Variants in ZNF831 observed in about 807,000 individuals in gnomAD.
The protein encoded by ZNF831 is chromosome 20 open reading frame 174.
A neutral mutation model predicts 95.8 loss-of-function variants in ZNF831; 59 were observed. The observed-to-expected ratio is 0.62, with a 90% CI of 0.50 to 0.77. The LOEUF is 0.77. ZNF831 is among the 30% of genes least tolerant of loss of function. The pLI, the probability that ZNF831 is intolerant of heterozygous loss-of-function variation, is 0.00. For missense variants in ZNF831, 2,205 were observed against 2,164.0 expected, an observed-to-expected ratio of 1.02 and a Z score of -0.38; for synonymous variants, 961 against 925.5, an observed-to-expected ratio of 1.04 and a Z score of -0.70.
intron 2 of ZNF831, among the ~76,000 whole-genome samples, chr20:59,154,863 C>G (rs1484892779): frequency 6.6e-6 from 1 of 152,230 alleles, no homozygotes; most frequent in African/African-American, 2.4e-5. Flanking sequence ...CGGCCTCCTA[C>G]CCCTCCCCTG....
Position 59,255,851 on chromosome 20 carries a change from A to T in ZNF831, c.*1108A>T, listed in dbSNP as rs937513187. On this transcript the variant is annotated 3_prime_UTR_variant, in exon 6 of 6. Transcript: ENST00000371030. ...TATTGTGCACGTCAGAACTGCACAG[A>T]GAAAATTCCCCAGTATTCCAAGCCG... 1.3e-5 allele frequency: 2 copies of T among 152,240 alleles called. No homozygotes were observed. Among genetic ancestry groups the T allele is most frequent in the Non-Finnish European group, 2.9e-5 (2 of 68,044 alleles). 9.4% of individuals were successfully genotyped at this position (152,240 alleles called of 1,614,324 possible). A position where few individuals can be genotyped will look rare whatever the true frequency, so the allele number is the denominator to read the frequency against.
At chr20:59,150,660 T>C (rs1025532032) in intron 2 of ZNF831, among the ~76,000 whole-genome samples, 28 of 152,296 alleles carry the variant, frequency 1.8e-4, no homozygotes, top group African/African-American at 6.0e-4. Context: ...CTTCTGAGAA[T>C]AACAAACAGC....
intron 1 of ZNF831, among the ~76,000 whole-genome samples, chr20:59,124,067 G>A (rs1979087077): frequency 6.6e-6 from 1 of 152,186 alleles, no homozygotes; most frequent in South Asian, 2.1e-4. Flanking sequence ...CAGGTGCGGG[G>A]ACAAGGTGGG....
intron 1 of ZNF831, among the ~76,000 whole-genome samples, chr20:59,183,551 C>A (rs1213996047): frequency 6.6e-6 from 1 of 152,150 alleles, no homozygotes; most frequent in Admixed American, 6.5e-5. Context: ...GATTCAGTAT[C>A]CCCACCGCCC....
chr20:59,239,437 G>T (rs534448081), intron 4 of ZNF831, among the ~76,000 whole-genome samples: 2 of 151,980 alleles, frequency 1.3e-5, no homozygotes, highest in Non-Finnish European at 2.9e-5. Context: ...AAGATTTCTC[G>T]AATACATTTT....
intron 1 of ZNF831, among the ~76,000 whole-genome samples, chr20:59,132,827 C>T (rs545352419): frequency 1.2e-4 from 18 of 152,256 alleles, no homozygotes; most frequent in Admixed American, 2.0e-4. Context: ...CTTGCTGGCC[C>T]GGGTGAGCTG....
intron 4 of ZNF831, among the ~76,000 whole-genome samples, chr20:59,239,786 C>G (rs938458677): frequency 6.6e-6 from 1 of 152,188 alleles, no homozygotes; most frequent in Non-Finnish European, 1.5e-5. Flanking sequence ...CTCAGGCGAT[C>G]CGCCCACCTT....
chr20:59,163,595 C>A (rs532457753), upstream of ZNF831, among the ~76,000 whole-genome samples: 1 of 152,258 alleles, frequency 6.6e-6, no homozygotes, highest in East Asian at 1.9e-4. Flanking sequence ...AACTTGCCTG[C>A]ACAGAACAAC....
chr20:59,177,528 T>C lies in ZNF831; in HGVS notation c.-37+13321T>C, dbSNP rs536503817. ...GGCTCATTCCACCACTAGGTTCCCA[T>C]GTTAAAACCAGGCAAGTCTAGGACA... On this transcript the variant is annotated intron_variant, in intron 1 of 5. Coordinates refer to ENST00000371030, the MANE Select transcript of ZNF831 (RefSeq NM_178457.3). Among the ~76,000 whole-genome samples the C allele has an allele frequency of 5.9e-5, 9 of 152,314 alleles. No individual in the cohort carries two copies. In the East Asian group the frequency reaches 1.5e-3, roughly 26 times the overall value.
intron 2 of ZNF831, among the ~76,000 whole-genome samples, chr20:59,157,768 T>C (rs918196409): frequency 2.0e-5 from 3 of 152,168 alleles, no homozygotes; most frequent in Admixed American, 1.3e-4. Flanking sequence ...CAACAGACAC[T>C]GATTAGCCAG....
chr20:59,236,250 T>A (rs549395264), intron 4 of ZNF831, among the ~76,000 whole-genome samples: 7 of 152,332 alleles, frequency 4.6e-5, no homozygotes, highest in Admixed American at 2.6e-4. Flanking sequence ...TGTCTGTCCA[T>A]CCCTGCCTAG....
chr20:59,181,174 C>T (rs962148829), intron 1 of ZNF831, among the ~76,000 whole-genome samples: 1 of 152,142 alleles, frequency 6.6e-6, no homozygotes, highest in Admixed American at 6.5e-5. Context: ...AAATTGTTTT[C>T]TTTTGAGAAG....
chr20:59,199,190 C>T (rs1289126610), intron 3 of ZNF831, among the ~76,000 whole-genome samples: 2 of 151,724 alleles, frequency 1.3e-5, no homozygotes, highest in African/African-American at 4.8e-5. Flanking sequence ...GATTCATTTT[C>T]CCACTTTAAT....
At chr20:59,175,705 T>C (rs1306510619) in intron 1 of ZNF831, among the ~76,000 whole-genome samples, 1 of 152,260 alleles carries the variant, frequency 6.6e-6, no homozygotes, top group Non-Finnish European at 1.5e-5. Context: ...GGCTGCTTCA[T>C]AGCTGTCAGG....
chr20:59,253,869 C>CCCTTT, intron 5 of ZNF831, 29 bp from the exon 6 acceptor site: 10 of 1,067,564 alleles, frequency 9.4e-6, no homozygotes, highest in Admixed American at 2.6e-5. Context: ...TCCCCCCCCA[C>CCCTTT]TTTTTTTTTC....
At chr20:59,209,006 G>T (rs1985102021) in intron 4 of ZNF831, among the ~76,000 whole-genome samples, 1 of 152,190 alleles carries the variant, frequency 6.6e-6, no homozygotes, top group South Asian at 2.1e-4. Flanking sequence ...CTGTGACAGG[G>T]AGGGGAACTA....
intron 4 of ZNF831, among the ~76,000 whole-genome samples, chr20:59,242,608 G>T (rs1987396305): frequency 6.6e-6 from 1 of 152,138 alleles, no homozygotes; most frequent in South Asian, 2.1e-4. Context: ...TTTTATCAAA[G>T]AAATAAGAGA....
rs751908571 is a variant in ZNF831 at position 59,254,801 on chromosome 20, T to C, written c.*58T>C. On this transcript the variant is annotated 3_prime_UTR_variant, in exon 6 of 6. Transcript: ENST00000371030. The surrounding 1 kb of genome is among the most constrained non-coding windows in gnomAD (Gnocchi z 4.5). ...AGACTGTTGACGCTTCACAAGTAAA[T>C]GTTGTCAGGCTGGCGGAAGAACTAA... 4.5e-6 allele frequency: 7 copies of C among 1,541,452 alleles called. No homozygotes were observed. Among genetic ancestry groups the C allele is most frequent in the African/African-American group, 4.2e-5 (3 of 72,062 alleles).
chr20:59,166,105 C>G (rs866426904), intron 1 of ZNF831, among the ~76,000 whole-genome samples: 2 of 152,158 alleles, frequency 1.3e-5, no homozygotes, highest in South Asian at 4.2e-4. Context: ...GGAGCTTTTC[C>G]AGATATGGTA....
Sources: gnomAD v4.1 joint callset for allele counts (sites outside exome capture counted in the v4.1 genomes callset) on GRCh38, gnomAD v4.1.1 for gene constraint, Gnocchi (gnomAD v3.1) non-coding constraint, MANE v1.5 for transcripts, NCBI Gene and HGNC (gene_info 2026-07-23, HGNC 2026-07-21) for gene names.